The following TMEM192 variants were observed in gnomAD, a reference collection of about 807,000 sequenced individuals.
The protein encoded by TMEM192 is transmembrane protein 192.
Under a neutral mutation model 26.7 loss-of-function variants are expected in TMEM192, and 20 were observed. That is an observed-to-expected ratio of 0.75 (90% CI 0.53 to 1.09). TMEM192 has a LOEUF of 1.09. TMEM192 is among the 50% of genes least tolerant of loss of function. The pLI is 0.00. For missense variants in TMEM192, 304 were observed against 322.6 expected (o/e 0.94, Z 0.44); for synonymous variants, 124 against 121.0 (o/e 1.02, Z -0.16).
chr4:165,096,369 C>T (rs1484970383), intron 3 of TMEM192, among the ~76,000 whole-genome samples: 1 of 151,684 alleles, frequency 6.6e-6, no homozygotes, highest in African/African-American at 2.4e-5. Flanking sequence ...CATACCACTG[C>T]ACTCCAGCCT....
intron 1 of TMEM192, chr4:165,111,822 G>A (rs1187897712): frequency 6.6e-6 from 1 of 152,142 alleles, no homozygotes; most frequent in East Asian, 1.9e-4. Context: ...TCCTGATGCA[G>A]TTCATTCAGT....
rs922495573 is a variant in TMEM192 at position 165,100,692 on chromosome 4, G to T, written c.375C>A (p.Gly125=). 6.2e-7 allele frequency: 1 copy of T among 1,614,106 alleles called. No homozygotes were observed. Among genetic ancestry groups the T allele is most frequent in the Non-Finnish European group, 8.5e-7 (1 of 1,180,022 alleles). The change falls in exon 3 of 6, where the codon GGC becomes GGA. Residue 125 remains glycine, a synonymous_variant. Coordinates refer to ENST00000306480, the MANE Select transcript of TMEM192 (RefSeq NM_001100389.2). Reference sequence around the variant, plus strand: ...TTGTTGATCGGTAGATCAAGTTATAGCCTCGGTTTCTGATTTTGCTGTGGT... The same window carrying T: ...TTGTTGATCGGTAGATCAAGTTATATCCTCGGTTTCTGATTTTGCTGTGGT... The part of the protein sequence containing the change: ...QYHHSKIRNR[G]YNLIYRSTRH...
In TMEM192 at chr4:165,075,072, A is replaced by G. The variant is rs902280060; in HGVS notation, c.*4586T>C. 2.0e-5 allele frequency: 3 copies of G among 152,146 alleles called. No individual in the cohort carries two copies. Among genetic ancestry groups the G allele is most frequent in the Admixed American group, 6.6e-5 (1 of 15,266 alleles). The allele number at this position is 152,146 out of a possible 1,614,324, so 9.4% of individuals were successfully genotyped here. Reference sequence around the variant, plus strand: ...GATGGGTCAAGACTTAAATAAGGTAACACCCACTATTGGTAAGGGTATGGA... The same window carrying G: ...GATGGGTCAAGACTTAAATAAGGTAGCACCCACTATTGGTAAGGGTATGGA... On this transcript the variant is annotated 3_prime_UTR_variant, in exon 6 of 6. Transcript: ENST00000306480.
In TMEM192 at chr4:165,100,860, A is replaced by G; in HGVS notation, c.207T>C (p.Gly69=). Residue 69 remains glycine (G), a synonymous_variant, in exon 3 of 6, where the codon GGT becomes GGC. Coordinates refer to ENST00000306480, the MANE Select transcript of TMEM192 (RefSeq NM_001100389.2). ...LVFVVLAFLT[G]VLCSYPNPNE... Reference sequence around the variant, plus strand: ...TTGGATTAGGATAAGAACAAAGCACACCTGTTAAAAATGCTAAAACAACAA... The same window carrying G: ...TTGGATTAGGATAAGAACAAAGCACGCCTGTTAAAAATGCTAAAACAACAA... 6.2e-7 allele frequency: 1 copy of G among 1,613,318 alleles called. No individual in the cohort carries two copies. Among genetic ancestry groups the G allele is most frequent in the East Asian group, 2.2e-5 (1 of 44,874 alleles).
intron 3 of TMEM192, among the ~76,000 whole-genome samples, chr4:165,092,072 CAG>C (rs1047317924): frequency 2.7e-5 from 4 of 148,556 alleles, no homozygotes; most frequent in African/African-American, 1.0e-4. Context: ...ATGGGGATAA[CAG>C]TACCTTTCTC....
Position 165,112,647 on chromosome 4 carries a change from C to A in TMEM192, c.27+100G>T, listed in dbSNP as rs1735322566. ...CGCCCCCTTCGGCCGCGGCCGCAGTCGCCAAGGGTGGCTTCCCTCTCTGAG... is the reference window on the plus strand; with the variant it reads ...CGCCCCCTTCGGCCGCGGCCGCAGTAGCCAAGGGTGGCTTCCCTCTCTGAG... On this transcript the variant is annotated intron_variant, in intron 1 of 5. Transcript: ENST00000306480. 5 of 1,536,778 alleles carry A rather than the reference C, an allele frequency of 3.3e-6. No individual in the cohort carries two copies. The South Asian group carries it at 4.7e-5, about 14-fold the overall frequency.
In TMEM192 at chr4:165,079,701, G is replaced by A. The variant is rs1263364428; in HGVS notation, c.773C>T (p.Ala258Val). Residue 258 changes from alanine (A) to valine (V), a missense_variant, in exon 6 of 6, where the codon GCT (alanine) becomes GTT (valine). By Grantham distance (64) the Ala-to-Val change is moderately conservative (BLOSUM62 0). Transcript: ENST00000306480. ...HNALLSKRLL[A>V]LTSSDLGCQP... is the part of the protein sequence containing the mutation. Reference sequence around the variant, plus strand: ...ACAGCCCAGGTCTGAGGAAGTGAGAGCCAACAATCGCTTACTCAGCAGCGC... The same window carrying A: ...ACAGCCCAGGTCTGAGGAAGTGAGAACCAACAATCGCTTACTCAGCAGCGC... 1 of 1,613,930 alleles carries A rather than the reference G, an allele frequency of 6.2e-7. No individual in the cohort carries two copies. Among genetic ancestry groups the A allele is most frequent in the South Asian group, 1.1e-5 (1 of 91,058 alleles).
intron 5 of TMEM192, among the ~76,000 whole-genome samples, chr4:165,084,164 G>A (rs1734554118): frequency 6.6e-6 from 1 of 151,254 alleles, no homozygotes; most frequent in African/African-American, 2.4e-5. Flanking sequence ...ATCAGTAATG[G>A]CACTGAGTCC....
chr4:165,084,428 A>G (rs1311436903), intron 5 of TMEM192, among the ~76,000 whole-genome samples: 1 of 151,212 alleles, frequency 6.6e-6, no homozygotes, highest in Non-Finnish European at 1.5e-5. Flanking sequence ...TGAACTCCTG[A>G]CCTCAGGTGA....
intron 3 of TMEM192, among the ~76,000 whole-genome samples, chr4:165,091,451 T>A (rs895689114): frequency 6.6e-6 from 1 of 152,202 alleles, no homozygotes; most frequent in Non-Finnish European, 1.5e-5. Flanking sequence ...GACACCCAGA[T>A]GGTTTCTGCT....
chr4:165,088,517 G>A lies in TMEM192; in HGVS notation c.525C>T (p.Ile175=). Residue 175 remains isoleucine, a synonymous_variant, in exon 4 of 6, where the codon ATC becomes ATT. Coordinates refer to ENST00000306480, the MANE Select transcript of TMEM192 (RefSeq NM_001100389.2). Reference sequence around the variant, plus strand: ...GGGAACAGATGAGTTCCAGTGCCAAGATGGCCAGAATGAGGTCAAGATACA... The same window carrying A: ...GGGAACAGATGAGTTCCAGTGCCAAAATGGCCAGAATGAGGTCAAGATACA... ...GRLYLDLILA[I]LALELICSLI... 6.2e-7 allele frequency: 1 copy of A among 1,613,784 alleles called. No individual in the cohort carries two copies. Among genetic ancestry groups the A allele is most frequent in the East Asian group, 2.2e-5 (1 of 44,890 alleles).
At chr4:165,093,317 G>A (rs1048646288) in intron 3 of TMEM192, among the ~76,000 whole-genome samples, 1 of 151,662 alleles carries the variant, frequency 6.6e-6, no homozygotes, top group Admixed American at 6.6e-5. Context: ...GACTGGTCTC[G>A]AACTCCTGAC....
intron 4 of TMEM192, among the ~76,000 whole-genome samples, chr4:165,086,511 T>C (rs1405813917): frequency 6.6e-6 from 1 of 150,902 alleles, no homozygotes; most frequent in Non-Finnish European, 1.5e-5. Context: ...CCTCTGTCTC[T>C]GCCTCCTAGG....
At chr4:165,110,786 G>C (rs1156898272) in intron 1 of TMEM192, among the ~76,000 whole-genome samples, 2 of 152,222 alleles carry the variant, frequency 1.3e-5, no homozygotes, top group Non-Finnish European at 2.9e-5. Context: ...TCAATGCCTT[G>C]AGATGCCCTT....
chr4:165,094,488 T>C (rs1379398365), intron 3 of TMEM192, among the ~76,000 whole-genome samples: 1 of 151,948 alleles, frequency 6.6e-6, no homozygotes, highest in African/African-American at 2.4e-5. Context: ...AGAAACCCCA[T>C]CTCTACTAAA....
At chr4:165,110,450 T>C (rs1379187024) in intron 1 of TMEM192, among the ~76,000 whole-genome samples, 1 of 152,200 alleles carries the variant, frequency 6.6e-6, no homozygotes, top group Non-Finnish European at 1.5e-5. Context: ...CCGGGCACGG[T>C]GGCTCACGCC....
At chr4:165,085,441 C>A in intron 5 of TMEM192, 145 bp downstream of exon 5, 1 of 624,898 alleles carries the variant, frequency 1.6e-6, no homozygotes. Flanking sequence ...CTGATTTAGA[C>A]TTGATTTCAC....
chr4:165,111,999 C>T (rs1735302465), intron 1 of TMEM192, among the ~76,000 whole-genome samples: 1 of 152,232 alleles, frequency 6.6e-6, no homozygotes, highest in Non-Finnish European at 1.5e-5. Context: ...CCTTACGATA[C>T]TGAAGCAAAG....
intron 3 of TMEM192, 94 bp downstream of exon 3, chr4:165,100,534 A>G (rs1040846107): frequency 1.1e-5 from 15 of 1,382,312 alleles, no homozygotes; most frequent in African/African-American, 1.5e-5. Context: ...AAATGAGAGA[A>G]TATATTTGAT....
Sources: allele counts gnomAD v4.1 joint callset (sites outside exome capture counted in the v4.1 genomes callset), GRCh38; gene constraint gnomAD v4.1.1; transcripts MANE v1.5; gene names NCBI Gene and HGNC (gene_info 2026-07-23, HGNC 2026-07-21).